The following MAST2 variants were observed in gnomAD, a reference collection of about 807,000 sequenced individuals.
MAST2 encodes microtubule-associated serine/threonine-protein kinase 2.
In MAST2, 70 loss-of-function variants were observed where a neutral mutation model predicts 147.4. That is an observed-to-expected ratio of 0.47 (90% CI 0.39 to 0.58). The LOEUF (loss-of-function observed/expected upper bound fraction) is 0.58. Ranked by LOEUF, MAST2 falls within the 20% of genes least tolerant of loss-of-function variation. The pLI, the probability that MAST2 is intolerant of heterozygous loss-of-function variation, is 0.00. For synonymous variants in MAST2, 869 were observed against 896.8 expected (o/e 0.97, Z 0.55); for missense variants, 2,080 against 2,302.3 (o/e 0.90, Z 1.98).
rs369358348 is a variant in MAST2, at chr1:46,034,290, A to G, written c.3868+24A>G. The G allele has an allele frequency of 5.6e-6, 9 of 1,593,858 alleles. No individual in the cohort carries two copies. The African/African-American group carries it at 1.2e-4, about 21-fold the overall frequency. On this transcript the variant is annotated intron_variant, in intron 28 of 28. Coordinates refer to ENST00000361297, the MANE Select transcript of MAST2 (RefSeq NM_015112.3). The stretch of plus-strand genomic sequence containing the variant: ...AGGTACGAAGGGCTCCCTGCAGATC[A>G]GTGACAACCCCTGGGAAATAGGAAA...
chr1:45,954,104 C>CA (rs1659325559), intron 4 of MAST2, among the ~76,000 whole-genome samples: 2 of 152,124 alleles, frequency 1.3e-5, no homozygotes, highest in South Asian at 4.1e-4. Context: ...AGGTGCCTGC[C>CA]AAGTACTATC....
At chr1:45,864,189 T>C (rs1646069337) in intron 3 of MAST2, among the ~76,000 whole-genome samples, 1 of 152,192 alleles carries the variant, frequency 6.6e-6, no homozygotes, top group South Asian at 2.1e-4. Flanking sequence ...ATTCTTGAGA[T>C]CATTAAAGCT....
chr1:46,024,012 C>T, intron 15 of MAST2, 32 bp downstream of exon 15: 1 of 1,604,188 alleles, frequency 6.2e-7, no homozygotes, highest in Admixed American at 1.7e-5. Context: ...GGCATGGAGG[C>T]CAAGGCACAG....
intron 1 of MAST2, among the ~76,000 whole-genome samples, chr1:45,815,158 G>C (rs932073109): frequency 6.6e-6 from 1 of 151,838 alleles, no homozygotes; most frequent in African/African-American, 2.4e-5. Flanking sequence ...CAGCAAAGCA[G>C]AAGTAATATA....
At chr1:46,019,305 C>T (rs1646086505) in intron 10 of MAST2, among the ~76,000 whole-genome samples, 1 of 151,918 alleles carries the variant, frequency 6.6e-6, no homozygotes, top group South Asian at 2.1e-4. Context: ...TGAGAGCTGC[C>T]CCTTGAGCTA....
intron 4 of MAST2, chr1:45,917,616 G>A (rs1483590051): frequency 2.0e-6 from 2 of 996,314 alleles, no homozygotes; most frequent in African/African-American, 1.7e-5. Flanking sequence ...CTTAATAATG[G>A]GGAGAAATGG....
chr1:45,950,594 A>G (rs1658784293), intron 4 of MAST2, among the ~76,000 whole-genome samples: 1 of 152,188 alleles, frequency 6.6e-6, no homozygotes, highest in Non-Finnish European at 1.5e-5. Context: ...CTGGGCTGGT[A>G]ATAACTCTGG....
chr1:45,901,882 A>C (rs1428743623), intron 4 of MAST2, among the ~76,000 whole-genome samples: 1 of 152,258 alleles, frequency 6.6e-6, no homozygotes, highest in African/African-American at 2.4e-5. Context: ...CATTTGGAGT[A>C]ATGTTTAGGG....
chr1:45,875,757 A>G (rs1010782261), intron 3 of MAST2, among the ~76,000 whole-genome samples: 17 of 152,176 alleles, frequency 1.1e-4, no homozygotes, highest in African/African-American at 3.6e-4. Context: ...TGGTGGTACC[A>G]TCATCAAAAT....
intron 1 of MAST2, among the ~76,000 whole-genome samples, chr1:45,810,535 G>C (rs1361663170): frequency 6.6e-6 from 1 of 152,112 alleles, no homozygotes; most frequent in Non-Finnish European, 1.5e-5. Flanking sequence ...TAATTGGCTG[G>C]GTGTGGTGGC....
At chr1:45,846,931 A>G (rs1645457426) in intron 3 of MAST2, 2 of 242,744 alleles carry the variant, frequency 8.2e-6, no homozygotes, top group South Asian at 4.9e-5. Context: ...ATTATGTACC[A>G]TAATCAATGA....
At chr1:45,851,774 T>C (rs1645630306) in intron 3 of MAST2, among the ~76,000 whole-genome samples, 1 of 151,918 alleles carries the variant, frequency 6.6e-6, no homozygotes. Context: ...CTACTTGAAA[T>C]GAATTACCTG....
chr1:45,872,866 A>G (rs992631224), intron 3 of MAST2, among the ~76,000 whole-genome samples: 1 of 152,200 alleles, frequency 6.6e-6, no homozygotes, highest in Non-Finnish European at 1.5e-5. Flanking sequence ...TTATTTCTCT[A>G]GGATTTAGTA....
chr1:45,838,819 A>G (rs984173858), intron 3 of MAST2, among the ~76,000 whole-genome samples: 5 of 152,194 alleles, frequency 3.3e-5, no homozygotes, highest in Non-Finnish European at 5.9e-5. Context: ...ACTGTTTGCA[A>G]TAGTTTAAAA....
chr1:46,022,847 G>A lies in MAST2; in HGVS notation c.1424-63G>A. 2.5e-6 allele frequency: 3 copies of A among 1,221,430 alleles called. No individual in the cohort carries two copies. The South Asian group carries it at 3.6e-5, about 15-fold the overall frequency. 75.7% of individuals were successfully genotyped at this position (1,221,430 alleles called of 1,614,324 possible). ...CCTACATGCACCTGTTGTGTGATCT[G>A]AGGATACTGCTGAGATACCTGACAT... On this transcript the variant is annotated intron_variant, in intron 12 of 28. Coordinates refer to ENST00000361297, the MANE Select transcript of MAST2 (RefSeq NM_015112.3).
At chr1:45,976,082 C>A (rs1192689632) in intron 5 of MAST2, among the ~76,000 whole-genome samples, 2 of 151,500 alleles carry the variant, frequency 1.3e-5, no homozygotes, top group African/African-American at 4.9e-5. Flanking sequence ...TCAAGTGATT[C>A]TTGTGCCTTA....
At chr1:45,839,128 A>G (rs891820187) in intron 3 of MAST2, among the ~76,000 whole-genome samples, 6 of 58,512 alleles carry the variant, frequency 1.0e-4, no homozygotes, top group Non-Finnish European at 1.5e-4. Flanking sequence ...CACCATCACA[A>G]ATTTTTTTTT....
In MAST2 at chr1:46,034,673, G is replaced by C. The variant is rs141937880; in HGVS notation, c.4004G>C (p.Arg1335Pro). 3 of 1,614,094 alleles carry C rather than the reference G, an allele frequency of 1.9e-6. No homozygotes were observed. The highest frequency in any genetic ancestry group is 2.5e-6 in the Non-Finnish European group (3 of 1,180,014). Residue 1335 changes from arginine to proline, a missense_variant, in exon 29 of 29, where the codon CGC becomes CCC. Arg to Pro is a moderately radical substitution (Grantham distance 103, BLOSUM62 -2). Coordinates refer to ENST00000361297, the MANE Select transcript of MAST2 (RefSeq NM_015112.3). ...CAACGCCAGTACCGCTCTCCACGGC[G>C]CAAGTCAGCAGGCAGCATCCCACTG... ...KLQRQYRSPR[R>P]KSAGSIPLSP...
At chr1:45,811,853 C>T (rs1644312613) in intron 1 of MAST2, among the ~76,000 whole-genome samples, 1 of 151,970 alleles carries the variant, frequency 6.6e-6, no homozygotes, top group South Asian at 2.1e-4. Flanking sequence ...CCAGGATGGT[C>T]TTGATCTCCT....
Sources: gnomAD v4.1 joint callset for allele counts (sites outside exome capture counted in the v4.1 genomes callset) on GRCh38, gnomAD v4.1.1 for gene constraint, MANE v1.5 for transcripts, NCBI Gene and HGNC (gene_info 2026-07-23, HGNC 2026-07-21) for gene names.